Variants in AGMO observed in about 807,000 individuals in gnomAD.
AGMO encodes the protein glyceryl-ether monooxygenase.
AGMO carries 75 observed loss-of-function variants against 60.2 expected under a neutral mutation model. The observed-to-expected ratio is 1.25, with a 90% confidence interval of 1.03 to 1.51. The LOEUF (loss-of-function observed/expected upper bound fraction) is 1.51, where lower values mean the gene tolerates loss of function less well. Ranked by LOEUF, AGMO falls within the 40% of genes most tolerant of loss-of-function variation. The pLI is 0.00. For missense variants in AGMO, 763 were observed against 525.5 expected, an observed-to-expected ratio of 1.45 and a Z score of -4.42; for synonymous variants, 261 against 177.1, an observed-to-expected ratio of 1.47 and a Z score of -3.76.
chr7:15,534,379 G>A (rs150460433), intron 3 of AGMO, among the ~76,000 whole-genome samples: 2 of 151,942 alleles, frequency 1.3e-5, no homozygotes, highest in African/African-American at 2.4e-5. Context: ...AAGGGAATAC[G>A]GATAAGTTTG....
intron 3 of AGMO, among the ~76,000 whole-genome samples, chr7:15,544,381 A>G (rs1169398108): frequency 6.6e-6 from 1 of 152,138 alleles, no homozygotes; most frequent in African/African-American, 2.4e-5. Flanking sequence ...AAAAAATTAA[A>G]CACAAACAAA....
rs565929074 is a variant in AGMO, at chr7:15,318,009, T to A, written c.1263+47505A>T. ...ATATATACACGTATATATATACATA[T>A]ATTTTTTTTTTTTTGAGAGCGTATC... On this transcript the variant is annotated intron_variant, in intron 12 of 12. Transcript: ENST00000342526. 3.8e-3 allele frequency among the ~76,000 whole-genome samples: 463 copies of A among 122,372 alleles called. 5 individuals carry two copies. Among genetic ancestry groups the A allele is most frequent in the African/African-American group, 0.011 (419 of 37,298 alleles). 80.3% of individuals were successfully genotyped at this position (122,372 alleles called of 152,430 possible).
intron 3 of AGMO, among the ~76,000 whole-genome samples, chr7:15,450,419 CAAA>C (rs1280167748): frequency 4.7e-5 from 4 of 85,016 alleles, no homozygotes; most frequent in Non-Finnish European, 4.9e-5. Flanking sequence ...GTCTCCATCT[CAAA>C]AAAAAAAAAA....
At chr7:15,429,043 C>G (rs1282846393) in intron 4 of AGMO, among the ~76,000 whole-genome samples, 1 of 152,022 alleles carries the variant, frequency 6.6e-6, no homozygotes, top group Non-Finnish European at 1.5e-5. Flanking sequence ...TGCTCTGAAG[C>G]CTTAATCCAG....
chr7:15,327,531 A>T (rs943909054), intron 12 of AGMO, among the ~76,000 whole-genome samples: 2 of 152,116 alleles, frequency 1.3e-5, no homozygotes, highest in Non-Finnish European at 1.5e-5. Flanking sequence ...AGGACCACAC[A>T]TCCATAAATA....
At chr7:15,520,828 A>G (rs1226717949) in intron 3 of AGMO, among the ~76,000 whole-genome samples, 1 of 152,188 alleles carries the variant, frequency 6.6e-6, no homozygotes, top group Non-Finnish European at 1.5e-5. Flanking sequence ...AAACTAGCAG[A>G]GGACAAGAAA....
Position 15,561,858 on chromosome 7 carries a change from C to G in AGMO, c.-13G>C. On this transcript the variant is annotated 5_prime_UTR_variant, in exon 1 of 13. Transcript: ENST00000342526. ...CTGGGTTCTTCATTTCTGCCCTTGT[C>G]TGATTCCCAGCTGGAGAATATTTAG... 6.3e-7 allele frequency: 1 copy of G among 1,587,550 alleles called. No individual in the cohort carries two copies. The highest frequency in any genetic ancestry group is 8.6e-7 in the Non-Finnish European group (1 of 1,165,406).
chr7:15,542,808 C>A (rs531882281), intron 3 of AGMO, among the ~76,000 whole-genome samples: 7 of 152,208 alleles, frequency 4.6e-5, no homozygotes, highest in Non-Finnish European at 7.4e-5. Flanking sequence ...CAGGAACTGA[C>A]CTATTATGTG....
At chr7:15,263,901 G>T (rs2128510538) in intron 12 of AGMO, among the ~76,000 whole-genome samples, 2 of 152,132 alleles carry the variant, frequency 1.3e-5, no homozygotes, top group East Asian at 3.9e-4. Flanking sequence ...ATTAGACTTT[G>T]AAGACTCAGG....
intron 12 of AGMO, among the ~76,000 whole-genome samples, chr7:15,281,341 G>A (rs896773237): frequency 4.6e-5 from 7 of 152,166 alleles, no homozygotes; most frequent in African/African-American, 1.7e-4. Context: ...AGCTTGGCAT[G>A]GGTTTACCTA....
At chr7:15,467,879 T>G in intron 3 of AGMO, among the ~76,000 whole-genome samples, 1 of 152,090 alleles carries the variant, frequency 6.6e-6, no homozygotes, top group East Asian at 1.9e-4. Context: ...ATGGCCTTCC[T>G]TCAATATAGT....
intron 12 of AGMO, among the ~76,000 whole-genome samples, chr7:15,310,742 A>C (rs888534400): frequency 6.6e-6 from 1 of 152,160 alleles, no homozygotes; most frequent in Admixed American, 6.6e-5. Context: ...AACACAAATT[A>C]ATTTTTTACA....
intron 10 of AGMO, among the ~76,000 whole-genome samples, chr7:15,379,534 C>G (rs1783593725): frequency 6.6e-6 from 1 of 151,904 alleles, no homozygotes; most frequent in African/African-American, 2.4e-5. Context: ...ATACATACAC[C>G]CTCCTAAGAC....
intron 3 of AGMO, among the ~76,000 whole-genome samples, chr7:15,448,277 G>C (rs1436906399): frequency 6.6e-6 from 1 of 152,136 alleles, no homozygotes; most frequent in Non-Finnish European, 1.5e-5. Flanking sequence ...TAGAAGCTTA[G>C]GGAACGGGAT....
chr7:15,352,329 T>C (rs1782271735), intron 12 of AGMO, among the ~76,000 whole-genome samples: 1 of 152,194 alleles, frequency 6.6e-6, no homozygotes, highest in South Asian at 2.1e-4. Context: ...GAAAATTCCT[T>C]CTCAGATTTT....
chr7:15,405,335 C>G (rs973218256), intron 5 of AGMO, among the ~76,000 whole-genome samples: 2 of 151,850 alleles, frequency 1.3e-5, no homozygotes, highest in Non-Finnish European at 2.9e-5. Context: ...AAAATTAATA[C>G]AACATAGTTA....
chr7:15,355,504 C>CA (rs56695710), intron 12 of AGMO, among the ~76,000 whole-genome samples: 5,820 of 81,576 alleles, frequency 0.071, 399 homozygotes, highest in African/African-American at 0.1. Flanking sequence ...GACTCTGTCT[C>CA]AAAAAAAAAA....
chr7:15,557,860 A>T (rs1470256096), intron 2 of AGMO, among the ~76,000 whole-genome samples: 1 of 152,000 alleles, frequency 6.6e-6, no homozygotes, highest in Non-Finnish European at 1.5e-5. Flanking sequence ...AAAGTTCATA[A>T]CCTTTTACCT....
chr7:15,376,784 GAA>G (rs1783472651), intron 10 of AGMO, among the ~76,000 whole-genome samples: 1 of 152,002 alleles, frequency 6.6e-6, no homozygotes, highest in African/African-American at 2.4e-5. Context: ...GGCAGCTGAG[GAA>G]TTGATTTTTC....
Sources: gnomAD v4.1 joint callset for allele counts (sites outside exome capture counted in the v4.1 genomes callset) on GRCh38, gnomAD v4.1.1 for gene constraint, MANE v1.5 for transcripts, NCBI Gene and HGNC (gene_info 2026-07-23, HGNC 2026-07-21) for gene names.